The following ZRANB2 variants were observed in gnomAD, a reference collection of about 807,000 sequenced individuals.
The protein encoded by ZRANB2 is zinc finger Ran-binding domain-containing protein 2.
A neutral mutation model predicts 53.4 loss-of-function variants in ZRANB2; 19 were observed. That is an observed-to-expected ratio of 0.36 (90% CI 0.25 to 0.52). The LOEUF is 0.52. Among genes scored for constraint, ZRANB2 ranks in the 20% least tolerant of loss-of-function variants. The pLI is 0.93. For missense variants in ZRANB2, 309 were observed against 401.1 expected, an observed-to-expected ratio of 0.77 and a Z score of 1.96; for synonymous variants, 145 against 134.8, an observed-to-expected ratio of 1.08 and a Z score of -0.52.
chr1:71,066,073 A>G, intron 9 of ZRANB2: 1 of 192,298 alleles, frequency 5.2e-6, no homozygotes, highest in Non-Finnish European at 1.1e-5. Flanking sequence ...AATATGAAAA[A>G]TTTGCAAAGA....
rs1255754215 is a variant in ZRANB2, at chr1:71,069,322, G to A, written c.724C>T (p.Arg242Cys). ...RSSSSSQSRS[R>C]SSSRERSRSR... ...CTCGAACGTTCTCTGGAACTGGAAC[G>A]AGATCTTGACTGCGAACTGGAAGAA... Residue 242 changes from arginine (R) to cysteine (C), a missense_variant, in exon 8 of 10, where the codon CGT becomes TGT. Coordinates refer to ENST00000370920, the MANE Select transcript of ZRANB2 (RefSeq NM_203350.3). The A allele has an allele frequency of 5.0e-6, 8 of 1,612,550 alleles. No homozygotes were observed. The highest frequency in any genetic ancestry group is 2.2e-5 in the South Asian group (2 of 90,960).
intron 4 of ZRANB2, among the ~76,000 whole-genome samples, chr1:71,075,207 G>C (rs1029589384): frequency 1.3e-5 from 2 of 152,140 alleles, no homozygotes; most frequent in African/African-American, 4.8e-5. Context: ...AAACCAGCTA[G>C]GTGGCTATTT....
intron 4 of ZRANB2, 131 bp from the exon 5 acceptor site, chr1:71,072,679 G>C: frequency 1.6e-6 from 1 of 628,064 alleles, no homozygotes; most frequent in Non-Finnish European, 2.8e-6. Context: ...TAAATTACTA[G>C]TCTTTAGAAA....
chr1:71,066,786 A>C lies in ZRANB2; in HGVS notation c.919T>G (p.Ser307Ala). The C allele has an allele frequency of 6.2e-7, 1 of 1,611,966 alleles. No homozygotes were observed. The highest frequency in any genetic ancestry group is 8.5e-7 in the Non-Finnish European group (1 of 1,179,302). ...DRKKRRTRSR[S>A]PERRHRSSSG... ...TACAGAAACCCAAACCTTTCGGGTGACCGTGATCTTGTTCGTCTTTTTTTG... is the reference window on the plus strand; with the variant it reads ...TACAGAAACCCAAACCTTTCGGGTGCCCGTGATCTTGTTCGTCTTTTTTTG... Residue 307 changes from serine to alanine, a missense_variant, in exon 9 of 10, where the codon TCA becomes GCA. Ser to Ala is a moderately conservative substitution (Grantham distance 99, BLOSUM62 1). This residue lies in a region of ZRANB2 where 211 missense variants were observed against 196.1 expected (regional missense o/e 1.08). Coordinates refer to ENST00000370920, the MANE Select transcript of ZRANB2 (RefSeq NM_203350.3).
chr1:71,080,378 A>AT (rs1661812155), intron 1 of ZRANB2, among the ~76,000 whole-genome samples: 1 of 152,080 alleles, frequency 6.6e-6, no homozygotes, highest in Non-Finnish European at 1.5e-5. Context: ...GAAAAGCCCA[A>AT]TTCTTGTGGA....
rs1436830165 is a variant in ZRANB2, at chr1:71,072,555, A to G, written c.302-7T>C. ...TTAAAACCACCACCATATCCTTAAA[A>G]AAGAGGGCACAAATTGTTACCCTAT... On this transcript the variant is annotated splice_polypyrimidine_tract_variant and splice_region_variant and intron_variant, in intron 4 of 9. Coordinates refer to ENST00000370920, the MANE Select transcript of ZRANB2 (RefSeq NM_203350.3). The G allele has an allele frequency of 6.3e-7, 1 of 1,596,644 alleles. No homozygotes were observed. Among genetic ancestry groups the G allele is most frequent in the Non-Finnish European group, 8.6e-7 (1 of 1,168,068 alleles).
intron 7 of ZRANB2, chr1:71,069,582 G>A (rs1661551113): frequency 3.0e-6 from 1 of 336,422 alleles, no homozygotes. Context: ...TTACCCTAAA[G>A]CCACTCAACT....
At chr1:71,070,706 T>A in intron 7 of ZRANB2, 121 bp downstream of exon 7, 1 of 599,190 alleles carries the variant, frequency 1.7e-6, no homozygotes, top group Non-Finnish European at 2.7e-6. Context: ...AAAAGTTGAT[T>A]TGAATTAAAT....
intron 8 of ZRANB2, among the ~76,000 whole-genome samples, chr1:71,068,407 T>G (rs1484141143): frequency 6.6e-6 from 1 of 152,186 alleles, no homozygotes; most frequent in African/African-American, 2.4e-5. Flanking sequence ...GAGAGCATAT[T>G]TTGACTAAAC....
At chr1:71,074,340 G>GT (rs1321233922) in intron 4 of ZRANB2, among the ~76,000 whole-genome samples, 2 of 152,112 alleles carry the variant, frequency 1.3e-5, no homozygotes, top group Non-Finnish European at 2.9e-5. Flanking sequence ...GTAGATTTTA[G>GT]TAAGTCTTAC....
rs1364390318 is a variant in ZRANB2 at position 71,071,085 on chromosome 1, A to C, written c.514-89T>G. The C allele has an allele frequency of 2.8e-6, 3 of 1,055,222 alleles. No homozygotes were observed. In the African/African-American group the frequency reaches 4.9e-5, roughly 17 times the overall value. The allele number at this position is 1,055,222 out of a possible 1,614,324, so 65.4% of individuals were successfully genotyped here. ...ACAGTTAGGTGTACTGAGCACCTCC[A>C]TATGCATATATCACAGGTATCTCAG... is the stretch of plus-strand genomic sequence containing the variant. On this transcript the variant is annotated intron_variant, in intron 6 of 9. Coordinates refer to ENST00000370920, the MANE Select transcript of ZRANB2 (RefSeq NM_203350.3).
chr1:71,068,909 T>A (rs1661528275), intron 8 of ZRANB2, among the ~76,000 whole-genome samples: 1 of 151,974 alleles, frequency 6.6e-6, no homozygotes, highest in Admixed American at 6.6e-5. Context: ...CCACCTCAGC[T>A]TCCCAAAGTG....
At chr1:71,066,097 CATTAAA>C (rs1661427317) in intron 9 of ZRANB2, 1 of 179,982 alleles carries the variant, frequency 5.6e-6, no homozygotes, top group African/African-American at 2.4e-5. Context: ...CAAATAAAGC[CATTAAA>C]ATGACTATAT....
chr1:71,076,347 T>A (rs1661710236), intron 4 of ZRANB2, among the ~76,000 whole-genome samples: 1 of 152,206 alleles, frequency 6.6e-6, no homozygotes, highest in Non-Finnish European at 1.5e-5. Context: ...CATTTTGCAA[T>A]CGATATTTGA....
rs2101036784 is a variant in ZRANB2, at chr1:71,063,456, A to G, written c.*1618T>C. On this transcript the variant is annotated 3_prime_UTR_variant, in exon 10 of 10. Coordinates refer to ENST00000370920, the MANE Select transcript of ZRANB2 (RefSeq NM_203350.3). The stretch of plus-strand genomic sequence containing the variant: ...TCATCAGAATTGTCTGTAAACTACT[A>G]TTAGCTAAATTATAACCTTGCATTT... 1 of 152,558 alleles carries G rather than the reference A, an allele frequency of 6.6e-6. No individual in the cohort carries two copies. The highest frequency in any genetic ancestry group is 1.5e-5 in the Non-Finnish European group (1 of 67,884). 9.5% of individuals were successfully genotyped at this position (152,558 alleles called of 1,614,324 possible). A position where few individuals can be genotyped will look rare whatever the true frequency, so the allele number is the denominator to read the frequency against.
chr1:71,079,156 C>T (rs10128001), intron 1 of ZRANB2, among the ~76,000 whole-genome samples: 19,421 of 151,242 alleles, frequency 0.13, 1,925 homozygotes, highest in African/African-American at 0.28. Flanking sequence ...TTTTTACATG[C>T]AGTAGGTAGG....
At chr1:71,075,652 C>A (rs186807466) in intron 4 of ZRANB2, among the ~76,000 whole-genome samples, 1 of 151,610 alleles carries the variant, frequency 6.6e-6, no homozygotes, top group East Asian at 1.9e-4. Context: ...GCAAAGGAGA[C>A]AGAATAAACA....
intron 6 of ZRANB2, among the ~76,000 whole-genome samples, chr1:71,071,647 G>C (rs1392719013): frequency 6.6e-6 from 1 of 151,930 alleles, no homozygotes; most frequent in Non-Finnish European, 1.5e-5. Flanking sequence ...CCTATGTATG[G>C]TATTTTTGAA....
intron 1 of ZRANB2, among the ~76,000 whole-genome samples, chr1:71,080,212 A>G (rs1661806729): frequency 6.7e-6 from 1 of 150,348 alleles, no homozygotes; most frequent in Non-Finnish European, 1.5e-5. Context: ...TGCACCCTTC[A>G]AAAAAAATCT....
Sources: allele counts gnomAD v4.1 joint callset (sites outside exome capture counted in the v4.1 genomes callset), GRCh38; gene constraint gnomAD v4.1.1; regional missense constraint gnomAD v4.1.1; transcripts MANE v1.5; gene names NCBI Gene and HGNC (gene_info 2026-07-23, HGNC 2026-07-21).